The following QTMAN variants were observed in gnomAD, a reference collection of about 807,000 sequenced individuals.
The protein encoded by QTMAN is tRNA-queuosine alpha-mannosyltransferase.
chr2:144,258,175 A>G, the QTMAN span, among the ~76,000 whole-genome samples: 1 of 151,802 alleles, frequency 6.6e-6, no homozygotes, highest in African/African-American at 2.4e-5. Flanking sequence ...AGAGATAAGT[A>G]TAGAAGGTAA....
the QTMAN span, among the ~76,000 whole-genome samples, chr2:144,297,107 A>T: frequency 1.3e-5 from 2 of 152,306 alleles, no homozygotes; most frequent in Admixed American, 6.5e-5. Context: ...TAGAAAACAC[A>T]AAGAGTCAAA....
chr2:144,039,708 G>A, the QTMAN span, among the ~76,000 whole-genome samples: 1 of 152,112 alleles, frequency 6.6e-6, no homozygotes, highest in Non-Finnish European at 1.5e-5. Context: ...TTCTGTTTGA[G>A]TCACTCCTAT....
At chr2:144,132,311 A>G in the QTMAN span, among the ~76,000 whole-genome samples, 1 of 152,046 alleles carries the variant, frequency 6.6e-6, no homozygotes, top group Admixed American at 6.6e-5. Flanking sequence ...AAAATCTTTT[A>G]TCAGGAATTT....
chr2:144,207,160 C>T, the QTMAN span, among the ~76,000 whole-genome samples: 1 of 152,036 alleles, frequency 6.6e-6, no homozygotes, highest in Non-Finnish European at 1.5e-5. Flanking sequence ...GAATATAAAA[C>T]ATTAAATCAT....
chr2:144,053,083 G>C, the QTMAN span, among the ~76,000 whole-genome samples: 4 of 152,232 alleles, frequency 2.6e-5, no homozygotes, highest in Non-Finnish European at 4.4e-5. Flanking sequence ...TGCTAGGTCA[G>C]TGTTTTCATG....
At chr2:144,100,921 C>G in the QTMAN span, among the ~76,000 whole-genome samples, 39 of 124,804 alleles carry the variant, frequency 3.1e-4, no homozygotes, top group Admixed American at 9.0e-4. Flanking sequence ...CCAGGCTGGA[C>G]TGCAGTGGCA....
the QTMAN span, among the ~76,000 whole-genome samples, chr2:144,207,697 G>T: frequency 6.6e-6 from 1 of 151,534 alleles, no homozygotes; most frequent in Non-Finnish European, 1.5e-5. Context: ...TAACCATCAG[G>T]AGAATACACA....
At chr2:143,983,938 G>A in the QTMAN span, among the ~76,000 whole-genome samples, 1 of 152,092 alleles carries the variant, frequency 6.6e-6, no homozygotes, top group African/African-American at 2.4e-5. Flanking sequence ...ACATACATAT[G>A]TCCATAACTG....
chr2:143,988,550 G>C, the QTMAN span, among the ~76,000 whole-genome samples: 2 of 152,238 alleles, frequency 1.3e-5, no homozygotes, highest in Non-Finnish European at 2.9e-5. Flanking sequence ...TCTAAGACCA[G>C]TGGTTAGATT....
At chr2:144,169,632 T>G in the QTMAN span, among the ~76,000 whole-genome samples, 2 of 152,170 alleles carry the variant, frequency 1.3e-5, no homozygotes, top group Non-Finnish European at 2.9e-5. Flanking sequence ...TTCTTATACT[T>G]CTGTTATAAC....
chr2:144,115,582 G>A, the QTMAN span, among the ~76,000 whole-genome samples: 9 of 152,156 alleles, frequency 5.9e-5, no homozygotes, highest in African/African-American at 1.9e-4. Flanking sequence ...CTATGTTTTG[G>A]TCATTATCAC....
At chr2:143,952,648 A>AAC in the QTMAN span, 1 of 733,490 alleles carries the variant, frequency 1.4e-6, no homozygotes, top group Non-Finnish European at 2.4e-6. Context: ...AATTTTCCTT[A>AAC]ACACTAACAT....
chr2:144,262,393 A>AAAAAATT, the QTMAN span, among the ~76,000 whole-genome samples: 207 of 152,036 alleles, frequency 1.4e-3, 1 homozygote, highest in African/African-American at 4.4e-3. Flanking sequence ...CACTATCTCT[A>AAAAAATT]AAAAATTAAA....
chr2:144,242,081 C>G, the QTMAN span, among the ~76,000 whole-genome samples: 1 of 151,850 alleles, frequency 6.6e-6, no homozygotes, highest in African/African-American at 2.4e-5. Flanking sequence ...TTCTCCAGCA[C>G]AGGAGGAGAA....
the QTMAN span, among the ~76,000 whole-genome samples, chr2:144,296,467 A>G: frequency 3.3e-5 from 5 of 152,350 alleles, no homozygotes; most frequent in Non-Finnish European, 7.3e-5. Flanking sequence ...ACAAAGTTAC[A>G]AGATTCTACC....
At chr2:144,207,624 T>C in the QTMAN span, among the ~76,000 whole-genome samples, 2 of 152,164 alleles carry the variant, frequency 1.3e-5, no homozygotes, top group African/African-American at 4.8e-5. Flanking sequence ...TTTATATCAT[T>C]TGTGTTAATA....
chr2:144,309,361 C>T, the QTMAN span, among the ~76,000 whole-genome samples: 4 of 152,108 alleles, frequency 2.6e-5, no homozygotes, highest in East Asian at 1.9e-4. Flanking sequence ...AACCTGTAAA[C>T]GCCCCAAATG....
At chr2:144,116,138 T>C in the QTMAN span, among the ~76,000 whole-genome samples, 1 of 151,940 alleles carries the variant, frequency 6.6e-6, no homozygotes, top group Non-Finnish European at 1.5e-5. Context: ...ACCATAACAT[T>C]CTATGGTGTC....
the QTMAN span, among the ~76,000 whole-genome samples, chr2:144,251,330 A>G: frequency 6.6e-6 from 1 of 152,338 alleles, no homozygotes; most frequent in Admixed American, 6.5e-5. Flanking sequence ...AAACAGACAA[A>G]TAGATCAATG....
Sources: allele counts gnomAD v4.1 joint callset (sites outside exome capture counted in the v4.1 genomes callset), GRCh38; gene constraint gnomAD v4.1.1; transcripts MANE v1.5; gene names NCBI Gene and HGNC (gene_info 2026-07-23, HGNC 2026-07-21).